VTCN1: variants seen among roughly 807,000 people sequenced by gnomAD.
VTCN1 encodes V-set domain containing T cell activation inhibitor 1.
Under a neutral mutation model 26.5 loss-of-function variants are expected in VTCN1, and 26 were observed. That is an observed-to-expected ratio of 0.98 (90% CI 0.72 to 1.36). VTCN1 has a LOEUF of 1.36. VTCN1 is among the 40% of genes most tolerant of loss of function. The pLI is 0.00. For synonymous variants in VTCN1, 116 were observed against 130.7 expected (o/e 0.89, Z 0.77); for missense variants, 298 against 337.7 (o/e 0.88, Z 0.92).
chr1:117,167,046 T>C lies in VTCN1; in HGVS notation c.97+3061A>G, dbSNP rs1652652893. On this transcript the variant is annotated intron_variant, in intron 2 of 5. Coordinates refer to ENST00000369458, the MANE Select transcript of VTCN1 (RefSeq NM_024626.4). This position sits in a 1 kb window ranked among gnomAD's most constrained non-coding sequence, Gnocchi z 4.1. ...AGGCAGAGGCTGCAGTGAGCCGAGATTATGCCACTGTACTCCAGCCTGAGC... is the reference window on the plus strand; with the variant it reads ...AGGCAGAGGCTGCAGTGAGCCGAGACTATGCCACTGTACTCCAGCCTGAGC... Among the ~76,000 whole-genome samples the C allele has an allele frequency of 1.3e-5, 2 of 151,416 alleles. No homozygotes were observed. The highest frequency in any genetic ancestry group is 1.3e-4 in the Admixed American group (2 of 15,192).
At chr1:117,198,418 C>A (rs9660567) in intron 1 of VTCN1, among the ~76,000 whole-genome samples, 25,163 of 152,176 alleles carry the variant, frequency 0.17, 2,200 homozygotes, top group African/African-American at 0.19. Context: ...GAAAAAAAGG[C>A]AGAAGCACTG....
chr1:117,197,457 G>A (rs369894526), intron 1 of VTCN1, among the ~76,000 whole-genome samples: 1 of 152,148 alleles, frequency 6.6e-6, no homozygotes, highest in Non-Finnish European at 1.5e-5. Flanking sequence ...CTAGAACTAA[G>A]TCAAATGGAA....
At chr1:117,171,495 C>T (rs1652914785) in intron 1 of VTCN1, among the ~76,000 whole-genome samples, 2 of 152,214 alleles carry the variant, frequency 1.3e-5, no homozygotes, top group African/African-American at 4.8e-5. Flanking sequence ...TCCTATTTCT[C>T]CACAGCCTCG....
At chr1:117,150,519 AACT>A (rs1385749256) in intron 4 of VTCN1, among the ~76,000 whole-genome samples, 1 of 152,184 alleles carries the variant, frequency 6.6e-6, no homozygotes, top group Admixed American at 6.5e-5. Context: ...TGTTACAGGC[AACT>A]AATAATCCTA....
chr1:117,172,239 C>A (rs1241218449), intron 1 of VTCN1, among the ~76,000 whole-genome samples: 1 of 152,210 alleles, frequency 6.6e-6, no homozygotes, highest in Non-Finnish European at 1.5e-5. Flanking sequence ...TTGTTCCCAG[C>A]CTCCTATGGC....
intron 1 of VTCN1, among the ~76,000 whole-genome samples, chr1:117,181,254 A>C (rs1647657789): frequency 3.5e-5 from 1 of 28,760 alleles, no homozygotes; most frequent in South Asian, 2.5e-3. Context: ...CTGTCTTTAC[A>C]AAAAAAAAAA....
chr1:117,187,818 T>C (rs1321137637), intron 1 of VTCN1, among the ~76,000 whole-genome samples: 1 of 150,690 alleles, frequency 6.6e-6, no homozygotes, highest in Non-Finnish European at 1.5e-5. Flanking sequence ...AAAAAGGGAA[T>C]CTTTAAAGAA....
chr1:117,174,074 T>A (rs1653070979), intron 1 of VTCN1, among the ~76,000 whole-genome samples: 1 of 152,238 alleles, frequency 6.6e-6, no homozygotes, highest in African/African-American at 2.4e-5. Context: ...TGCTTATTAA[T>A]TTTTTAGAAA....
chr1:117,176,904 G>A (rs1647380277), intron 1 of VTCN1, among the ~76,000 whole-genome samples: 1 of 152,188 alleles, frequency 6.6e-6, no homozygotes, highest in Non-Finnish European at 1.5e-5. Flanking sequence ...TTTGAGACCA[G>A]CCTGGCCAAC....
intron 2 of VTCN1, among the ~76,000 whole-genome samples, chr1:117,166,240 C>T (rs534122806): frequency 1.3e-5 from 2 of 152,280 alleles, no homozygotes; most frequent in Non-Finnish European, 2.9e-5. Flanking sequence ...AACCTCCTGA[C>T]TAACACAGGG....
At chr1:117,151,270 T>C (rs1237233159) in intron 4 of VTCN1, among the ~76,000 whole-genome samples, 1 of 151,732 alleles carries the variant, frequency 6.6e-6, no homozygotes, top group Non-Finnish European at 1.5e-5. Context: ...CCTTCAGATG[T>C]TCAGATATGG....
intron 1 of VTCN1, among the ~76,000 whole-genome samples, chr1:117,179,123 G>T (rs1400694409): frequency 6.6e-6 from 1 of 152,112 alleles, no homozygotes; most frequent in Non-Finnish European, 1.5e-5. Flanking sequence ...CTTAGAACAG[G>T]GTTTCTCAAA....
At position 117,175,913 on chromosome 1, in the gene VTCN1, G is replaced by A. The variant is rs1647323333; in HGVS notation, c.33-5742C>T. Among the ~76,000 whole-genome samples, 1 of 151,956 alleles carries A rather than the reference G, an allele frequency of 6.6e-6. No individual in the cohort carries two copies. Among genetic ancestry groups the A allele is most frequent in the Non-Finnish European group, 1.5e-5 (1 of 68,012 alleles). Reference sequence around the variant, plus strand: ...AGCTTCCCGAGTAGCTGGGATTACAGGCACGTGCCACCACGCCCGGCTAAT... The same window carrying A: ...AGCTTCCCGAGTAGCTGGGATTACAAGCACGTGCCACCACGCCCGGCTAAT... On this transcript the variant is annotated intron_variant, in intron 1 of 5. Coordinates refer to ENST00000369458, the MANE Select transcript of VTCN1 (RefSeq NM_024626.4). The surrounding 1 kb of genome is among the most constrained non-coding windows in gnomAD (Gnocchi z 4.2).
At chr1:117,188,201 T>C (rs1257599574) in intron 1 of VTCN1, among the ~76,000 whole-genome samples, 2 of 152,082 alleles carry the variant, frequency 1.3e-5, no homozygotes, top group Non-Finnish European at 2.9e-5. Flanking sequence ...TTCAATATGA[T>C]CTAGAACAGA....
intron 2 of VTCN1, among the ~76,000 whole-genome samples, chr1:117,164,465 T>C (rs895720496): frequency 4.6e-5 from 7 of 152,146 alleles, no homozygotes; most frequent in African/African-American, 1.7e-4. Flanking sequence ...CCTTTCCTGG[T>C]TGACCAGGAA....
intron 1 of VTCN1, among the ~76,000 whole-genome samples, chr1:117,201,528 T>G (rs1355061531): frequency 3.3e-5 from 5 of 152,200 alleles, no homozygotes; most frequent in Non-Finnish European, 7.3e-5. Context: ...TGTTCCTAGG[T>G]TCTGAGCCAG....
chr1:117,203,864 T>G, intron 1 of VTCN1: 1 of 841,216 alleles, frequency 1.2e-6, no homozygotes, highest in Non-Finnish European at 1.4e-6. Flanking sequence ...TCTGATTCTT[T>G]GCAGGATGGG....
chr1:117,158,677 G>A (rs1295747740), intron 2 of VTCN1, among the ~76,000 whole-genome samples: 4 of 152,204 alleles, frequency 2.6e-5, no homozygotes, highest in Non-Finnish European at 5.9e-5. Context: ...GCAAATTTCT[G>A]CAGCCAGCTT....
At chr1:117,181,034 G>T (rs769676369) in intron 1 of VTCN1, among the ~76,000 whole-genome samples, 1 of 152,186 alleles carries the variant, frequency 6.6e-6, no homozygotes, top group Non-Finnish European at 1.5e-5. Flanking sequence ...GATTCAACAC[G>T]ACTTTTTCCA....
Sources: allele counts gnomAD v4.1 joint callset (sites outside exome capture counted in the v4.1 genomes callset), GRCh38; gene constraint gnomAD v4.1.1; non-coding constraint Gnocchi (gnomAD v3.1); transcripts MANE v1.5; gene names NCBI Gene and HGNC (gene_info 2026-07-23, HGNC 2026-07-21).